ADAM7: variants seen among roughly 807,000 people sequenced by gnomAD.
The protein encoded by ADAM7 is ADAM metallopeptidase domain 7, also known as disintegrin and metalloproteinase domain-containing protein 7.
A neutral mutation model predicts 102.9 loss-of-function variants in ADAM7; 97 were observed. That is an observed-to-expected ratio of 0.94 (90% CI 0.80 to 1.12). The LOEUF (loss-of-function observed/expected upper bound fraction) is 1.12, where lower values mean the gene tolerates loss of function less well. Ranked by LOEUF, ADAM7 falls within the 50% of genes most tolerant of loss-of-function variation. The probability of loss-of-function intolerance (pLI) is 0.00; values close to 1 mark genes in which losing one functional copy is unlikely to be tolerated. For missense variants in ADAM7, 991 were observed against 908.7 expected (o/e 1.09, Z -1.16); for synonymous variants, 334 against 304.4 (o/e 1.10, Z -1.01).
intron 8 of ADAM7, among the ~76,000 whole-genome samples, chr8:24,477,501 A>T (rs1015547985): frequency 7.3e-5 from 11 of 151,698 alleles, no homozygotes; most frequent in East Asian, 5.8e-4. Context: ...TGTTGCTCAA[A>T]CTGTTTCAGT....
At chr8:24,459,525 T>C (rs1819165151) in intron 3 of ADAM7, among the ~76,000 whole-genome samples, 4 of 152,114 alleles carry the variant, frequency 2.6e-5, no homozygotes, top group Admixed American at 2.0e-4. Context: ...GGTGCAATCA[T>C]GGCTATTGCA....
At chr8:24,492,758 C>A (rs1220227430) in intron 15 of ADAM7, among the ~76,000 whole-genome samples, 161 bp downstream of exon 15, 1 of 152,132 alleles carries the variant, frequency 6.6e-6, no homozygotes, top group Non-Finnish European at 1.5e-5. Context: ...TATGCTAATT[C>A]AAATTACTAA....
At chr8:24,463,192 G>T (rs1819308336) in intron 3 of ADAM7, among the ~76,000 whole-genome samples, 2 of 152,188 alleles carry the variant, frequency 1.3e-5, no homozygotes, top group Admixed American at 6.5e-5. Flanking sequence ...GAGTCAGGAT[G>T]TGTGTTTTGC....
chr8:24,468,534 GA>G (rs892558732), intron 6 of ADAM7, among the ~76,000 whole-genome samples: 116 of 151,290 alleles, frequency 7.7e-4, no homozygotes, highest in African/African-American at 2.5e-3. Flanking sequence ...AAAAAGAAAA[GA>G]AAAAAAAGAA....
At chr8:24,501,755 G>T (rs974796525) in intron 20 of ADAM7, among the ~76,000 whole-genome samples, 179 bp downstream of exon 20, 3 of 151,804 alleles carry the variant, frequency 2.0e-5, no homozygotes, top group Admixed American at 6.6e-5. Flanking sequence ...AAGAGGGCAG[G>T]ATTCAAAACA....
intron 8 of ADAM7, 81 bp from the exon 9 acceptor site, chr8:24,482,061 G>A: frequency 9.7e-7 from 1 of 1,035,670 alleles, no homozygotes; most frequent in Non-Finnish European, 1.4e-6. Flanking sequence ...TGTTTTTTGG[G>A]GAAATGTAAA....
intron 8 of ADAM7, 102 bp downstream of exon 8, chr8:24,476,606 G>A: frequency 1.2e-6 from 1 of 815,182 alleles, no homozygotes; most frequent in Non-Finnish European, 1.9e-6. Flanking sequence ...GATATTAAGG[G>A]AGTACAAAGC....
rs1343886819 is a variant in ADAM7 at position 24,477,879 on chromosome 8, GC to G, written c.705+1377del. ...AAGATTCTTTCCTCACCCATGTCTAGCCTACTGATGTACTCATCAATGGTAT... is the reference window on the plus strand; with the variant it reads ...AAGATTCTTTCCTCACCCATGTCTAGCTACTGATGTACTCATCAATGGTAT... On this transcript the variant is annotated intron_variant, in intron 8 of 21. Coordinates refer to ENST00000175238, the MANE Select transcript of ADAM7 (RefSeq NM_003817.4). Among the ~76,000 whole-genome samples the G allele has an allele frequency of 4.0e-5, 6 of 151,870 alleles. No homozygotes were observed. In the South Asian group the frequency reaches 8.3e-4, roughly 21 times the overall value.
intron 3 of ADAM7, among the ~76,000 whole-genome samples, chr8:24,451,115 T>C (rs1381467528): frequency 6.6e-6 from 1 of 151,908 alleles, no homozygotes; most frequent in African/African-American, 2.4e-5. Flanking sequence ...AATTCTCTTT[T>C]TTGGTTGTGT....
Position 24,508,908 on chromosome 8 carries a change from A to G in ADAM7, c.*362A>G. 9.2e-7 allele frequency: 1 copy of G among 1,089,572 alleles called. No homozygotes were observed. Among genetic ancestry groups the G allele is most frequent in the Non-Finnish European group, 1.1e-6 (1 of 898,512 alleles). The allele number at this position is 1,089,572 out of a possible 1,614,324, so 67.5% of individuals were successfully genotyped here. On this transcript the variant is annotated 3_prime_UTR_variant, in exon 22 of 22. Coordinates refer to ENST00000175238, the MANE Select transcript of ADAM7 (RefSeq NM_003817.4). ...TGATAACTTACAGTCTAAGAAGAAA[A>G]CATTGCATATAAAAAGTTACTTTTT...
chr8:24,473,130 T>G (rs182881321), intron 7 of ADAM7, among the ~76,000 whole-genome samples: 1 of 152,184 alleles, frequency 6.6e-6, no homozygotes, highest in Non-Finnish European at 1.5e-5. Flanking sequence ...TTTACCAAAG[T>G]TTTTTATAAA....
rs573877932 is a variant in ADAM7 at position 24,482,952 on chromosome 8, A to C, written c.875+641A>C. ...AACTCCTCTCGCCCTCCCATGTTGT[A>C]CCGTTCCAATATTCTTCCAAAATCT... On this transcript the variant is annotated intron_variant, in intron 9 of 21. Transcript: ENST00000175238. 2.2e-4 allele frequency among the ~76,000 whole-genome samples: 34 copies of C among 152,164 alleles called. No individual in the cohort carries two copies. In the East Asian group the frequency reaches 6.6e-3, roughly 29 times the overall value.
At position 24,492,960 on chromosome 8, in the gene ADAM7, A is replaced by G. The variant is rs531469052; in HGVS notation, c.1656-83A>G. 70 of 1,357,320 alleles carry G rather than the reference A, an allele frequency of 5.2e-5. 1 individual carries two copies. The South Asian group carries it at 1.1e-3, about 21-fold the overall frequency. The allele number at this position is 1,357,320 out of a possible 1,614,324, so 84.1% of individuals were successfully genotyped here. A position where few individuals can be genotyped will look rare whatever the true frequency, so the allele number is the denominator to read the frequency against. On this transcript the variant is annotated intron_variant, in intron 15 of 21. Coordinates refer to ENST00000175238, the MANE Select transcript of ADAM7 (RefSeq NM_003817.4). ...GCAAGAAACCTGGATCTAGAAAAAG[A>G]GTGACCGGGAGGCTCCATTGCCAGC...
intron 6 of ADAM7, chr8:24,467,785 C>T (rs1819477855): frequency 6.6e-6 from 1 of 152,250 alleles, no homozygotes. Context: ...AAAAGATTGG[C>T]CAGGCATGGT....
Position 24,501,505 on chromosome 8 carries a change from A to T in ADAM7, c.2137A>T (p.Asn713Tyr). The T allele has an allele frequency of 1.2e-6, 2 of 1,608,388 alleles. No individual in the cohort carries two copies. The highest frequency in any genetic ancestry group is 1.7e-4 in the Middle Eastern group (1 of 6,048). ...SPPTETLGVE[N>Y]KGYFGDEQQI... ...ACCTACAGAAACCCTGGGAGTGGAGAACAAAGGATACTTTGGTGATGAGCA... is the reference window on the plus strand; with the variant it reads ...ACCTACAGAAACCCTGGGAGTGGAGTACAAAGGATACTTTGGTGATGAGCA... Residue 713 changes from asparagine (N) to tyrosine (Y), a missense_variant, in exon 20 of 22, where the codon AAC (asparagine) becomes TAC (tyrosine). Asn to Tyr is a moderately radical substitution (Grantham distance 143). Coordinates refer to ENST00000175238, the MANE Select transcript of ADAM7 (RefSeq NM_003817.4).
intron 7 of ADAM7, among the ~76,000 whole-genome samples, chr8:24,473,196 C>G (rs1819662736): frequency 1.3e-5 from 2 of 152,048 alleles, no homozygotes; most frequent in African/African-American, 4.8e-5. Flanking sequence ...AACTGTTCCA[C>G]AGAATAGGAA....
At chr8:24,455,504 G>T (rs75618483) in intron 3 of ADAM7, among the ~76,000 whole-genome samples, 3,132 of 152,244 alleles carry the variant, frequency 0.021, 122 homozygotes, top group African/African-American at 0.072. Context: ...AACCTCCTGG[G>T]CTCAGGTGAT....
chr8:24,502,646 G>C (rs1820801885), intron 20 of ADAM7, among the ~76,000 whole-genome samples: 1 of 151,990 alleles, frequency 6.6e-6, no homozygotes, highest in Non-Finnish European at 1.5e-5. Context: ...CAATGAAATG[G>C]AAATTTTTGA....
chr8:24,445,903 T>TG (rs1411600265), intron 2 of ADAM7, among the ~76,000 whole-genome samples: 1 of 152,206 alleles, frequency 6.6e-6, no homozygotes, highest in Non-Finnish European at 1.5e-5. Flanking sequence ...TGCTGTTCCC[T>TG]GCCCCTGACT....
Sources: gnomAD v4.1 joint callset for allele counts (sites outside exome capture counted in the v4.1 genomes callset) on GRCh38, gnomAD v4.1.1 for gene constraint, MANE v1.5 for transcripts, NCBI Gene and HGNC (gene_info 2026-07-23, HGNC 2026-07-21) for gene names.